Variants in CNTN4 observed in about 807,000 individuals in gnomAD.
CNTN4 encodes the protein contactin 4.
CNTN4 carries 77 observed loss-of-function variants against 122.5 expected under a neutral mutation model. The observed-to-expected ratio is 0.63, with a 90% CI of 0.52 to 0.76. The LOEUF (loss-of-function observed/expected upper bound fraction) is 0.76. CNTN4 is among the 30% of genes least tolerant of loss of function. CNTN4 has a pLI of 0.00. For synonymous variants in CNTN4, 512 were observed against 447.0 expected (o/e 1.15, Z -1.83); for missense variants, 1,256 against 1,259.1 (o/e 1.00, Z 0.04).
chr3:3,021,114 T>C (rs1399439256), intron 14 of CNTN4, among the ~76,000 whole-genome samples: 1 of 152,210 alleles, frequency 6.6e-6, no homozygotes, highest in African/African-American at 2.4e-5. Context: ...TAGTAGCTGA[T>C]TTTTTAAGTG....
chr3:2,370,646 C>G (rs1486541570), intron 3 of CNTN4, among the ~76,000 whole-genome samples: 1 of 152,102 alleles, frequency 6.6e-6, no homozygotes, highest in African/African-American at 2.4e-5. Context: ...GTCCCTTATT[C>G]TAAATATGGT....
chr3:2,568,344 C>T (rs184870647), intron 3 of CNTN4, among the ~76,000 whole-genome samples: 1,700 of 119,842 alleles, frequency 0.014, 31 homozygotes, highest in Middle Eastern at 0.051. Flanking sequence ...AAAAAAACCA[C>T]CCTGTACAAT....
chr3:2,917,322 G>A (rs1477027435), intron 12 of CNTN4, among the ~76,000 whole-genome samples: 5 of 144,338 alleles, frequency 3.5e-5, no homozygotes, highest in East Asian at 2.3e-4. Flanking sequence ...AGGGGGAGAT[G>A]GTGGAAAGCG....
chr3:2,185,094 G>C (rs1366359472), intron 2 of CNTN4, among the ~76,000 whole-genome samples: 2 of 152,148 alleles, frequency 1.3e-5, no homozygotes, highest in African/African-American at 4.8e-5. Flanking sequence ...GACAACTTTG[G>C]TTTGAATGGA....
intron 4 of CNTN4, among the ~76,000 whole-genome samples, chr3:2,624,026 CTGAT>C (rs558368859): frequency 8.5e-5 from 13 of 152,294 alleles, no homozygotes; most frequent in African/African-American, 3.1e-4. Context: ...CCAGAAGTAA[CTGAT>C]TGATTTCTTC....
intron 7 of CNTN4, among the ~76,000 whole-genome samples, chr3:2,856,776 A>G (rs2093622804): frequency 6.6e-6 from 1 of 152,210 alleles, no homozygotes; most frequent in South Asian, 2.1e-4. Flanking sequence ...ACATTAACAA[A>G]GAGTAAAGAG....
intron 3 of CNTN4, among the ~76,000 whole-genome samples, chr3:2,405,593 AG>A (rs2047005785): frequency 3.9e-5 from 4 of 103,206 alleles, no homozygotes; most frequent in Admixed American, 3.5e-4. Context: ...TGTTATAGAT[AG>A]GTAGATAGAT....
chr3:2,131,064 T>C (rs530645199), intron 2 of CNTN4, among the ~76,000 whole-genome samples: 16 of 152,324 alleles, frequency 1.1e-4, no homozygotes, highest in African/African-American at 3.4e-4. Flanking sequence ...TGACATGTAT[T>C]GTGTTTATTC....
At chr3:2,896,036 A>C (rs929880359) in intron 10 of CNTN4, among the ~76,000 whole-genome samples, 4 of 152,142 alleles carry the variant, frequency 2.6e-5, no homozygotes, top group African/African-American at 9.7e-5. Flanking sequence ...CTGTCTCAAA[A>C]AAAATAAATA....
chr3:2,509,348 A>C (rs1175631217), intron 3 of CNTN4, among the ~76,000 whole-genome samples: 1 of 152,238 alleles, frequency 6.6e-6, no homozygotes, highest in Non-Finnish European at 1.5e-5. Flanking sequence ...AGTTATGCCA[A>C]ATGTAATAAT....
At chr3:2,609,844 T>G (rs1011148878) in intron 4 of CNTN4, among the ~76,000 whole-genome samples, 1 of 152,200 alleles carries the variant, frequency 6.6e-6, no homozygotes, top group African/African-American at 2.4e-5. Context: ...AGGTATTTTT[T>G]GATTTGTGCA....
chr3:2,457,173 G>A (rs1186472416), intron 3 of CNTN4, among the ~76,000 whole-genome samples: 1 of 151,986 alleles, frequency 6.6e-6, no homozygotes, highest in Non-Finnish European at 1.5e-5. Flanking sequence ...TACCAAGCTT[G>A]CCTGCTTTTC....
intron 6 of CNTN4, among the ~76,000 whole-genome samples, chr3:2,788,963 C>A (rs2091923337): frequency 1.3e-5 from 2 of 152,154 alleles, no homozygotes; most frequent in South Asian, 4.1e-4. Flanking sequence ...AGTTCTGATT[C>A]TATCTGTCTT....
intron 3 of CNTN4, among the ~76,000 whole-genome samples, chr3:2,340,591 G>T (rs2044144542): frequency 6.7e-6 from 1 of 150,210 alleles, no homozygotes; most frequent in Non-Finnish European, 1.5e-5. Context: ...GAAGCGAAAG[G>T]ATCACTTGGG....
intron 6 of CNTN4, among the ~76,000 whole-genome samples, chr3:2,792,302 A>G (rs555062550): frequency 6.6e-6 from 1 of 152,334 alleles, no homozygotes; most frequent in South Asian, 2.1e-4. Flanking sequence ...ATCAAATAAT[A>G]GGAATTTCTA....
At chr3:2,223,344 C>T (rs1446735608) in intron 2 of CNTN4, among the ~76,000 whole-genome samples, 2 of 152,152 alleles carry the variant, frequency 1.3e-5, no homozygotes, top group Non-Finnish European at 2.9e-5. Context: ...CTAGGCATCC[C>T]TCCATATATC....
intron 4 of CNTN4, among the ~76,000 whole-genome samples, chr3:2,727,994 A>T (rs762341615): frequency 6.6e-6 from 1 of 152,242 alleles, no homozygotes; most frequent in Non-Finnish European, 1.5e-5. Context: ...ACAACCAAAT[A>T]GAATACTTAT....
intron 3 of CNTN4, among the ~76,000 whole-genome samples, chr3:2,374,908 C>A (rs538844759): frequency 6.6e-6 from 1 of 152,176 alleles, no homozygotes; most frequent in Admixed American, 6.5e-5. Flanking sequence ...ATGACTTTCC[C>A]AAAATGTTAG....
At chr3:2,767,585 A>T (rs1173823339) in intron 6 of CNTN4, among the ~76,000 whole-genome samples, 2 of 152,182 alleles carry the variant, frequency 1.3e-5, no homozygotes, top group African/African-American at 4.8e-5. Context: ...CCATTGACAG[A>T]CAATAGAGAT....
Sources: gnomAD v4.1 joint callset for allele counts (sites outside exome capture counted in the v4.1 genomes callset) on GRCh38, gnomAD v4.1.1 for gene constraint, MANE v1.5 for transcripts, NCBI Gene and HGNC (gene_info 2026-07-23, HGNC 2026-07-21) for gene names.